Variants in PRKN observed in about 807,000 individuals in gnomAD.
PRKN encodes the protein E3 ubiquitin-protein ligase parkin.
A neutral mutation model predicts 59.5 loss-of-function variants in PRKN; 56 were observed. That is an observed-to-expected ratio of 0.94 (90% CI 0.76 to 1.18). The LOEUF (loss-of-function observed/expected upper bound fraction) is 1.18. Ranked by LOEUF, PRKN falls within the 50% of genes most tolerant of loss-of-function variation. The probability of loss-of-function intolerance (pLI) is 0.00; values close to 1 mark genes in which losing one functional copy is unlikely to be tolerated. For synonymous variants in PRKN, 250 were observed against 222.1 expected (o/e 1.13, Z -1.12); for missense variants, 657 against 596.4 (o/e 1.10, Z -1.06).
At chr6:161,947,258 T>C (rs1779817078) in intron 6 of PRKN, among the ~76,000 whole-genome samples, 1 of 152,156 alleles carries the variant, frequency 6.6e-6, no homozygotes, top group Non-Finnish European at 1.5e-5. Context: ...TTTATTGGCT[T>C]AAAGGAGGGA....
chr6:161,823,698 A>C (rs1169735949), intron 6 of PRKN, among the ~76,000 whole-genome samples: 2 of 152,194 alleles, frequency 1.3e-5, no homozygotes, highest in Admixed American at 6.5e-5. Flanking sequence ...AGGTTTCATG[A>C]CTGCAGATGC....
At chr6:162,704,389 G>T (rs557853517) in intron 1 of PRKN, among the ~76,000 whole-genome samples, 74 of 152,212 alleles carry the variant, frequency 4.9e-4, no homozygotes, top group Admixed American at 1.6e-3. Context: ...TGAGCACCAG[G>T]GATGAAACCA....
rs974151125 is a variant in PRKN at position 162,274,824 on chromosome 6, G to A, written c.172-12059C>T. ...TGGCCAGGCACAGTGGCTCACGCCTGTAATCCCAGCGCTTTGGGAGGCCGA... is the reference window on the plus strand; with the variant it reads ...TGGCCAGGCACAGTGGCTCACGCCTATAATCCCAGCGCTTTGGGAGGCCGA... On this transcript the variant is annotated intron_variant, in intron 2 of 11. Transcript: ENST00000366898. 1.5e-4 allele frequency among the ~76,000 whole-genome samples: 23 copies of A among 152,196 alleles called. No individual in the cohort carries two copies. In the East Asian group the frequency reaches 3.1e-3, roughly 21 times the overall value.
chr6:161,625,151 T>C (rs996270262), intron 7 of PRKN, among the ~76,000 whole-genome samples: 1 of 152,328 alleles, frequency 6.6e-6, no homozygotes, highest in Non-Finnish European at 1.5e-5. Flanking sequence ...TAGCGAAGAC[T>C]TGGAGACAAC....
At chr6:162,594,286 TATAA>T (rs1225094310) in intron 1 of PRKN, among the ~76,000 whole-genome samples, 14 of 152,214 alleles carry the variant, frequency 9.2e-5, no homozygotes, top group Admixed American at 6.5e-5. Context: ...TTATCTTACA[TATAA>T]ATAATTACAA....
At chr6:162,447,456 C>T (rs1790373598) in intron 1 of PRKN, among the ~76,000 whole-genome samples, 1 of 152,014 alleles carries the variant, frequency 6.6e-6, no homozygotes, top group Non-Finnish European at 1.5e-5. Flanking sequence ...CAGAAACAAA[C>T]AACATACCAG....
Position 162,641,257 on chromosome 6 carries a change from A to C in PRKN, c.7+86405T>G, listed in dbSNP as rs372238759. On this transcript the variant is annotated intron_variant, in intron 1 of 11. Coordinates refer to ENST00000366898, the MANE Select transcript of PRKN (RefSeq NM_004562.3). ...CCATGAAACAAACCCAATTATTTCTAGTATTCTTTTACTTATAAAGTGAAA... is the reference window on the plus strand; with the variant it reads ...CCATGAAACAAACCCAATTATTTCTCGTATTCTTTTACTTATAAAGTGAAA... 6.6e-4 allele frequency among the ~76,000 whole-genome samples: 101 copies of C among 152,270 alleles called. 1 individual carries two copies. In the East Asian group the frequency reaches 9.7e-3, roughly 15 times the overall value.
chr6:162,346,232 T>C (rs1784398717), intron 2 of PRKN, among the ~76,000 whole-genome samples: 1 of 152,160 alleles, frequency 6.6e-6, no homozygotes, highest in Admixed American at 6.5e-5. Flanking sequence ...ATAATGAATA[T>C]AATCGTGTTT....
chr6:162,685,323 A>G (rs1779929401), intron 1 of PRKN, among the ~76,000 whole-genome samples: 1 of 152,174 alleles, frequency 6.6e-6, no homozygotes. Context: ...CTGTGTTTTA[A>G]AACTTCTAGT....
intron 1 of PRKN, among the ~76,000 whole-genome samples, chr6:162,536,767 A>G (rs1405220993): frequency 3.3e-5 from 5 of 152,202 alleles, no homozygotes; most frequent in African/African-American, 1.2e-4. Flanking sequence ...AAAGAACTGC[A>G]AGAAATATGA....
At chr6:161,720,519 G>T (rs1425276211) in intron 7 of PRKN, among the ~76,000 whole-genome samples, 1 of 152,154 alleles carries the variant, frequency 6.6e-6, no homozygotes, top group African/African-American at 2.4e-5. Flanking sequence ...GCACAGGTGG[G>T]GGGGGGCAGG....
chr6:162,119,695 G>A (rs1780824885), intron 4 of PRKN, among the ~76,000 whole-genome samples: 1 of 152,118 alleles, frequency 6.6e-6, no homozygotes, highest in Non-Finnish European at 1.5e-5. Flanking sequence ...AGGAGCCAGT[G>A]GCAAGCGGGT....
intron 4 of PRKN, among the ~76,000 whole-genome samples, chr6:162,126,881 G>A (rs78158771): frequency 0.095 from 14,506 of 152,130 alleles, 810 homozygotes; most frequent in African/African-American, 0.15. Context: ...TTTTCCTCAT[G>A]TTACATTTTA....
Position 161,386,661 on chromosome 6 carries a change from T to A in PRKN, c.1167+133A>T. The A allele has an allele frequency of 1.3e-6, 1 of 777,302 alleles. No homozygotes were observed. The allele number at this position is 777,302 out of a possible 1,614,324, so 48.2% of individuals were successfully genotyped here. On this transcript the variant is annotated intron_variant, in intron 10 of 11. Coordinates refer to ENST00000366898, the MANE Select transcript of PRKN (RefSeq NM_004562.3). This position sits in a 1 kb window ranked among gnomAD's most constrained non-coding sequence, Gnocchi z 4.3. ...CATTCTGGGAGAAGCCACGGCCCCA[T>A]TCCCATGGCTGTCAGCTACCAGTCT... is the stretch of plus-strand genomic sequence containing the variant.
At chr6:161,512,761 TCTTA>T (rs1778442293) in intron 9 of PRKN, among the ~76,000 whole-genome samples, 1 of 152,198 alleles carries the variant, frequency 6.6e-6, no homozygotes, top group Non-Finnish European at 1.5e-5. Flanking sequence ...TGCCCCTGAC[TCTTA>T]CTTGCCGTCC....
intron 1 of PRKN, among the ~76,000 whole-genome samples, chr6:162,667,744 G>A (rs2128229542): frequency 6.6e-6 from 1 of 152,172 alleles, no homozygotes; most frequent in Admixed American, 6.5e-5. Flanking sequence ...ATCTGGATTG[G>A]AATCTCGATT....
intron 1 of PRKN, among the ~76,000 whole-genome samples, chr6:162,561,373 T>C (rs772496408): frequency 1.4e-5 from 2 of 144,916 alleles, no homozygotes; most frequent in Non-Finnish European, 3.1e-5. Context: ...TTTTAAAAGA[T>C]AATCTAGTGA....
At chr6:162,691,822 G>C (rs1292459545) in intron 1 of PRKN, among the ~76,000 whole-genome samples, 2 of 152,168 alleles carry the variant, frequency 1.3e-5, no homozygotes. Flanking sequence ...GAAAGGGAAA[G>C]GAAGACATCT....
intron 9 of PRKN, among the ~76,000 whole-genome samples, chr6:161,479,298 A>C (rs1791275171): frequency 6.6e-6 from 1 of 152,336 alleles, no homozygotes; most frequent in Non-Finnish European, 1.5e-5. Flanking sequence ...ATGTATAATA[A>C]TACTAATAGT....
Sources: gnomAD v4.1 joint callset for allele counts (sites outside exome capture counted in the v4.1 genomes callset) on GRCh38, gnomAD v4.1.1 for gene constraint, Gnocchi (gnomAD v3.1) non-coding constraint, MANE v1.5 for transcripts, NCBI Gene and HGNC (gene_info 2026-07-23, HGNC 2026-07-21) for gene names.